Variants in NRCAM observed in about 807,000 individuals in gnomAD.
NRCAM encodes NgCAM-related cell adhesion molecule.
Under a neutral mutation model 156.5 loss-of-function variants are expected in NRCAM, and 83 were observed. The observed-to-expected ratio is 0.53, with a 90% CI of 0.44 to 0.64. The LOEUF (loss-of-function observed/expected upper bound fraction) is 0.64. Ranked by LOEUF, NRCAM falls within the 30% of genes least tolerant of loss-of-function variation. The pLI, the probability that NRCAM is intolerant of heterozygous loss-of-function variation, is 0.00. For missense variants in NRCAM, 1,417 were observed against 1,597.3 expected (o/e 0.89, Z 1.92); for synonymous variants, 538 against 563.9 (o/e 0.95, Z 0.65).
intron 3 of NRCAM, among the ~76,000 whole-genome samples, chr7:108,290,326 A>T (rs1251903702): frequency 6.6e-6 from 1 of 152,116 alleles, no homozygotes; most frequent in Non-Finnish European, 1.5e-5. Context: ...CCTTAAAATG[A>T]TGTGTTGGGT....
At chr7:108,286,851 AC>A (rs2098119886) in intron 3 of NRCAM, among the ~76,000 whole-genome samples, 1 of 152,202 alleles carries the variant, frequency 6.6e-6, no homozygotes, top group South Asian at 2.1e-4. Flanking sequence ...GGCACATCTT[AC>A]ATAGTGAGGT....
chr7:108,190,017 C>T (rs2070108507), intron 19 of NRCAM, among the ~76,000 whole-genome samples: 1 of 152,174 alleles, frequency 6.6e-6, no homozygotes, highest in African/African-American at 2.4e-5. Flanking sequence ...ACATGTGGTT[C>T]ATCAGCACTC....
intron 3 of NRCAM, among the ~76,000 whole-genome samples, chr7:108,274,207 T>C (rs912269314): frequency 2.0e-5 from 3 of 152,206 alleles, no homozygotes; most frequent in African/African-American, 4.8e-5. Flanking sequence ...TGCTTAGGAT[T>C]GTCTTGGCTA....
rs374582897 is a variant in NRCAM at position 108,209,504 on chromosome 7, G to T, written c.992C>A (p.Ser331Ter). 1 of 1,612,014 alleles carries T rather than the reference G, an allele frequency of 6.2e-7. No individual in the cohort carries two copies. Among genetic ancestry groups the T allele is most frequent in the Admixed American group, 1.7e-5 (1 of 59,570 alleles). ...TTGGTAATTTCCAGAGTCTGCTTCT[G>T]AAACATGAATGATCTGCAAGGTTTT... is the stretch of plus-strand genomic sequence containing the variant. ...FEKTLQIIHV[S>*]EADSGNYQCI... is the part of the protein sequence containing the mutation. Residue 331 changes from serine to a stop codon, truncating the protein, a stop_gained, in exon 12 of 33, where the codon TCA becomes TAA. Coordinates refer to ENST00000379028, the MANE Select transcript of NRCAM (RefSeq NM_001037132.4). LOFTEE classifies it high-confidence loss of function.
At chr7:108,238,475 G>C (rs921374905) in intron 4 of NRCAM, among the ~76,000 whole-genome samples, 2 of 152,116 alleles carry the variant, frequency 1.3e-5, no homozygotes, top group African/African-American at 2.4e-5. Context: ...GCTGTCTGTC[G>C]TTACTACTTG....
In NRCAM at chr7:108,231,766, C is replaced by T. The variant is rs181038679; in HGVS notation, c.427+560G>A. Among the ~76,000 whole-genome samples, 234 of 152,170 alleles carry T rather than the reference C, an allele frequency of 1.5e-3. 2 individuals are homozygous for T. Among genetic ancestry groups the T allele is most frequent in the African/African-American group, 5.4e-3 (224 of 41,516 alleles). The stretch of plus-strand genomic sequence containing the variant: ...TTTTGTTTAATTAGTTTTTCTACAA[C>T]GAACATGTATTATACATGTAATTTT... On this transcript the variant is annotated intron_variant, in intron 7 of 32. Transcript: ENST00000379028.
intron 13 of NRCAM, among the ~76,000 whole-genome samples, chr7:108,198,886 G>A (rs1403353878): frequency 6.6e-6 from 1 of 152,152 alleles, no homozygotes; most frequent in African/African-American, 2.4e-5. Flanking sequence ...TACTGAAGTG[G>A]AATAGAACTG....
At chr7:108,266,440 G>T (rs1270349768) in intron 3 of NRCAM, among the ~76,000 whole-genome samples, 1 of 152,194 alleles carries the variant, frequency 6.6e-6, no homozygotes, top group Non-Finnish European at 1.5e-5. Flanking sequence ...CCCAGATGAG[G>T]CTTATGGTCA....
chr7:108,239,921 A>G (rs758861901), intron 4 of NRCAM, 38 bp downstream of exon 4: 1 of 1,301,320 alleles, frequency 7.7e-7, no homozygotes, highest in Middle Eastern at 1.9e-4. Flanking sequence ...GGAGGCTTTG[A>G]CTCCTGGGCC....
chr7:108,353,576 C>T (rs1348957167), intron 2 of NRCAM, among the ~76,000 whole-genome samples: 1 of 152,144 alleles, frequency 6.6e-6, no homozygotes, highest in Non-Finnish European at 1.5e-5. Flanking sequence ...CCGCTTCAAC[C>T]TTCTGAAGTG....
At chr7:108,331,700 G>T (rs906382941) in intron 2 of NRCAM, among the ~76,000 whole-genome samples, 1 of 152,188 alleles carries the variant, frequency 6.6e-6, no homozygotes, top group Admixed American at 6.5e-5. Context: ...TGAATGAAAA[G>T]ATGTGTAGAT....
chr7:108,203,640 G>A (rs1015495626), intron 13 of NRCAM, among the ~76,000 whole-genome samples: 2 of 152,150 alleles, frequency 1.3e-5, no homozygotes, highest in African/African-American at 4.8e-5. Flanking sequence ...TTAGGTGCTC[G>A]CCTGCAAGTC....
At chr7:108,278,756 G>A (rs1008153829) in intron 3 of NRCAM, among the ~76,000 whole-genome samples, 4 of 152,226 alleles carry the variant, frequency 2.6e-5, no homozygotes, top group African/African-American at 9.6e-5. Context: ...GCCCTCCATG[G>A]GCTGCACCCA....
intron 1 of NRCAM, among the ~76,000 whole-genome samples, chr7:108,435,501 A>G (rs978819334): frequency 5.9e-5 from 9 of 152,222 alleles, no homozygotes; most frequent in African/African-American, 1.9e-4. Flanking sequence ...TACTTGACAA[A>G]TAATAGTTGA....
chr7:108,256,242 G>C (rs907171817), intron 3 of NRCAM, among the ~76,000 whole-genome samples: 2 of 151,604 alleles, frequency 1.3e-5, no homozygotes, highest in African/African-American at 4.9e-5. Context: ...TGTGTAGAAA[G>C]AAGTAGACAT....
At position 108,366,018 on chromosome 7, in the gene NRCAM, T is replaced by G. The variant is rs116638195; in HGVS notation, c.-174+33418A>C. 8.5e-3 allele frequency among the ~76,000 whole-genome samples: 1,290 copies of G among 152,246 alleles called. 16 individuals are homozygous for G. Among genetic ancestry groups the G allele is most frequent in the African/African-American group, 0.029 (1,207 of 41,540 alleles). On this transcript the variant is annotated intron_variant, in intron 2 of 32. Transcript: ENST00000379028. ...AGGGCAGAGCTCTCATGGAGGAGAC[T>G]GGGGCCCTCATAGAAGGGCTTGAAG...
intron 1 of NRCAM, among the ~76,000 whole-genome samples, chr7:108,422,575 C>T (rs1025800830): frequency 6.6e-6 from 1 of 152,062 alleles, no homozygotes; most frequent in Non-Finnish European, 1.5e-5. Flanking sequence ...GTAAAAGATA[C>T]AGGTCATCCT....
At chr7:108,402,091 C>T (rs975476715) in intron 1 of NRCAM, among the ~76,000 whole-genome samples, 1 of 152,200 alleles carries the variant, frequency 6.6e-6, no homozygotes, top group Non-Finnish European at 1.5e-5. Context: ...AGAGTCATCA[C>T]TGAAAACTGC....
chr7:108,271,885 T>C (rs2097366138), intron 3 of NRCAM, among the ~76,000 whole-genome samples: 1 of 152,190 alleles, frequency 6.6e-6, no homozygotes, highest in Admixed American at 6.5e-5. Context: ...TGGGGTCACA[T>C]GGAGCATAAA....
Sources: allele counts gnomAD v4.1 joint callset (sites outside exome capture counted in the v4.1 genomes callset), GRCh38; gene constraint gnomAD v4.1.1; transcripts MANE v1.5; gene names NCBI Gene and HGNC (gene_info 2026-07-23, HGNC 2026-07-21).